Variants in N4BP2L2 observed in about 807,000 individuals in gnomAD.
The protein encoded by N4BP2L2 is NEDD4 binding protein 2 like 2, also known as NEDD4-binding protein 2-like 2.
A neutral mutation model predicts 56.2 loss-of-function variants in N4BP2L2; 50 were observed. The ratio of observed to expected loss-of-function variants is 0.89; its 90% CI spans 0.71 to 1.13. The LOEUF is 1.13. Ranked by LOEUF, N4BP2L2 falls within the 50% of genes most tolerant of loss-of-function variation. The probability of loss-of-function intolerance (pLI) is 0.00; values close to 1 mark genes in which losing one functional copy is unlikely to be tolerated. For missense variants in N4BP2L2, 689 were observed against 693.8 expected (o/e 0.99, Z 0.08); for synonymous variants, 203 against 223.6 (o/e 0.91, Z 0.82).
intron 6 of N4BP2L2, chr13:32,477,240 C>G (rs1470161338): frequency 5.7e-6 from 2 of 351,626 alleles, no homozygotes; most frequent in Non-Finnish European, 1.1e-5. Context: ...GCAAGGCTTA[C>G]AAGGGCTAAA....
exon 7 of N4BP2L2, chr13:32,443,555 C>G: frequency 6.2e-7 from 1 of 1,610,618 alleles, no homozygotes; most frequent in Non-Finnish European, 8.5e-7. Flanking sequence ...AGATTTTTAT[C>G]TACTATTTCT....
chr13:32,485,019 G>A (rs2085566430), intron 6 of N4BP2L2, among the ~76,000 whole-genome samples: 1 of 152,164 alleles, frequency 6.6e-6, no homozygotes, highest in South Asian at 2.1e-4. Context: ...ACAGAGCTGT[G>A]CAAACTGACA....
At chr13:32,522,296 TA>T in intron 3 of N4BP2L2, 26 bp from the exon 4 acceptor site, 4 of 1,383,144 alleles carry the variant, frequency 2.9e-6, no homozygotes, top group Admixed American at 2.3e-5. Context: ...AATTTAAAAA[TA>T]AAAAAACAAA....
chr13:32,499,178 C>G (rs1330334393), intron 6 of N4BP2L2, among the ~76,000 whole-genome samples: 6 of 152,116 alleles, frequency 3.9e-5, no homozygotes, highest in African/African-American at 7.2e-5. Context: ...CTATAGGAAG[C>G]CTTCCTTGAA....
intron 6 of N4BP2L2, among the ~76,000 whole-genome samples, chr13:32,457,373 C>T (rs961045231): frequency 2.0e-5 from 3 of 152,088 alleles, no homozygotes; most frequent in African/African-American, 7.2e-5. Context: ...CATCTAGATA[C>T]AGGAAGCTCA....
intron 6 of N4BP2L2, among the ~76,000 whole-genome samples, chr13:32,475,836 C>G (rs773829229): frequency 6.6e-6 from 1 of 151,980 alleles, no homozygotes. Flanking sequence ...ACATATACTA[C>G]AATGAAAATA....
At chr13:32,517,482 A>G (rs1030430968) in exon 6 of N4BP2L2, 5 of 1,049,836 alleles carry the variant, frequency 4.8e-6, no homozygotes, top group African/African-American at 1.7e-5. Context: ...AAACTGTTCA[A>G]TAGTGTCTAT....
At chr13:32,530,973 T>C (rs770666479) in intron 2 of N4BP2L2, among the ~76,000 whole-genome samples, 12 of 151,984 alleles carry the variant, frequency 7.9e-5, no homozygotes, top group Admixed American at 2.0e-4. Flanking sequence ...TCAGCTGTCT[T>C]GTGAATGGAC....
intron 2 of N4BP2L2, among the ~76,000 whole-genome samples, chr13:32,533,835 A>G (rs1211265637): frequency 6.6e-6 from 1 of 152,158 alleles, no homozygotes; most frequent in Admixed American, 6.5e-5. Context: ...GAACTCCTAT[A>G]TGAAGCCATT....
chr13:32,529,574 C>T (rs1358230968), intron 2 of N4BP2L2, among the ~76,000 whole-genome samples: 1 of 152,094 alleles, frequency 6.6e-6, no homozygotes, highest in Non-Finnish European at 1.5e-5. Flanking sequence ...TTGATTGTAA[C>T]TGATCATGTG....
At chr13:32,505,490 C>T (rs964448250), downstream of N4BP2L2, 1 of 152,164 alleles carries the variant, frequency 6.6e-6, no homozygotes, top group Non-Finnish European at 1.5e-5. Flanking sequence ...GCTCTGGTTG[C>T]TTTTGGCTTA....
At chr13:32,517,096 CATT>C in exon 6 of N4BP2L2, 1 of 981,632 alleles carries the variant, frequency 1.0e-6, no homozygotes, top group Non-Finnish European at 1.2e-6. Flanking sequence ...AGAAGTAAAA[CATT>C]ATTAGAATCA....
chr13:32,536,225 C>T lies in N4BP2L2; in HGVS notation c.803G>A (p.Trp268Ter). ...CACTATAAAAGGATATACTGACTGC[C>T]ATTCAGGCCTGAAAGAAGTAAATGA... Residue 268 changes from tryptophan (W) to a stop codon, truncating the protein, a stop_gained, in exon 2 of 6, where the codon TGG becomes TAG. Coordinates refer to ENST00000267068, the Ensembl canonical transcript of N4BP2L2. LOFTEE classifies it high-confidence loss of function. 2 of 1,613,858 alleles carry T rather than the reference C, an allele frequency of 1.2e-6. No homozygotes were observed. Among genetic ancestry groups the T allele is most frequent in the Non-Finnish European group, 1.7e-6 (2 of 1,179,984 alleles).
chr13:32,493,125 A>T (rs545678408), intron 6 of N4BP2L2, among the ~76,000 whole-genome samples: 9 of 151,772 alleles, frequency 5.9e-5, no homozygotes, highest in African/African-American at 1.9e-4. Context: ...GCGTTTCACC[A>T]TGTTGGCCAG....
intron 6 of N4BP2L2, among the ~76,000 whole-genome samples, chr13:32,467,282 G>C (rs1461437417): frequency 6.7e-6 from 1 of 149,756 alleles, no homozygotes; most frequent in African/African-American, 2.5e-5. Context: ...TTTTGAGACA[G>C]AGTCTCCCTC....
chr13:32,463,171 T>TA (rs1238797958), intron 6 of N4BP2L2, among the ~76,000 whole-genome samples: 3 of 151,674 alleles, frequency 2.0e-5, no homozygotes, highest in Non-Finnish European at 2.9e-5. Context: ...ACAACTGAAA[T>TA]AAAAAATCCA....
exon 6 of N4BP2L2, chr13:32,516,955 G>T: frequency 1.0e-6 from 1 of 979,072 alleles, no homozygotes; most frequent in Non-Finnish European, 1.2e-6. Context: ...TCCAGTGAGA[G>T]AAATATAATT....
At chr13:32,517,456 G>T in exon 6 of N4BP2L2, 1 of 1,006,334 alleles carries the variant, frequency 9.9e-7, no homozygotes, top group Non-Finnish European at 1.2e-6. Context: ...GTTAGATTTA[G>T]ATATGAACTA....
intron 6 of N4BP2L2, among the ~76,000 whole-genome samples, chr13:32,458,354 T>G (rs979157150): frequency 3.3e-5 from 5 of 152,168 alleles, no homozygotes; most frequent in African/African-American, 1.2e-4. Context: ...CGTGAGCCAC[T>G]GTGCCCGGCC....
Sources: allele counts gnomAD v4.1 joint callset (sites outside exome capture counted in the v4.1 genomes callset), GRCh38; gene constraint gnomAD v4.1.1; transcripts MANE v1.5; gene names NCBI Gene and HGNC (gene_info 2026-07-23, HGNC 2026-07-21).